Variants in NTSR1 observed in about 807,000 individuals in gnomAD.
The protein encoded by NTSR1 is neurotensin receptor 1, also known as neurotensin receptor type 1.
NTSR1 carries 29 observed loss-of-function variants against 31.2 expected under a neutral mutation model. That is an observed-to-expected ratio of 0.93 (90% confidence interval 0.69 to 1.27). The LOEUF (loss-of-function observed/expected upper bound fraction) is 1.27. Ranked by LOEUF, NTSR1 falls within the 50% of genes most tolerant of loss-of-function variation. NTSR1 has a pLI of 0.00. For missense variants in NTSR1, 697 were observed against 595.4 expected, an observed-to-expected ratio of 1.17 and a Z score of -1.78; for synonymous variants, 282 against 269.9, an observed-to-expected ratio of 1.04 and a Z score of -0.44.
chr20:62,750,444 A>T, intron 1 of NTSR1, among the ~76,000 whole-genome samples: 1 of 152,138 alleles, frequency 6.6e-6, no homozygotes, highest in East Asian at 1.9e-4. Context: ...TAATCCCAGC[A>T]CTTTGGGAGG....
chr20:62,726,300 C>T (rs140245386), intron 1 of NTSR1, among the ~76,000 whole-genome samples: 3 of 152,338 alleles, frequency 2.0e-5, no homozygotes, highest in East Asian at 1.9e-4. Context: ...CTCCAAGAGC[C>T]GGCAGATCGG....
At chr20:62,710,664 G>T (rs1988591073) in intron 1 of NTSR1, among the ~76,000 whole-genome samples, 1 of 152,202 alleles carries the variant, frequency 6.6e-6, no homozygotes, top group Non-Finnish European at 1.5e-5. Context: ...TCTGAGCAAA[G>T]CGCCGTGGGA....
At chr20:62,724,432 A>G (rs372617894) in intron 1 of NTSR1, among the ~76,000 whole-genome samples, 2,356 of 28,812 alleles carry the variant, frequency 0.082, 65 homozygotes, top group African/African-American at 0.14. Context: ...GGGCACTCAG[A>G]CAAGGTGCAG....
Position 62,708,920 on chromosome 20 carries a change from C to T in NTSR1, c.-288C>T. 5.4e-6 allele frequency: 2 copies of T among 371,910 alleles called. No individual in the cohort carries two copies. The highest frequency in any genetic ancestry group is 9.5e-6 in the Non-Finnish European group (2 of 209,802). 23.0% of individuals were successfully genotyped at this position (371,910 alleles called of 1,614,324 possible). A position where few individuals can be genotyped will look rare whatever the true frequency, so the allele number is the denominator to read the frequency against. On this transcript the variant is annotated 5_prime_UTR_variant, in exon 1 of 4. Transcript: ENST00000370501. This position sits in a 1 kb window ranked among gnomAD's most constrained non-coding sequence, Gnocchi z 5.9. Reference sequence around the variant, plus strand: ...CCGCGCGGTTTGGAGATCGGAGGCACCTGGAACCCGTGGCAAGCGCCGAGC... The same window carrying T: ...CCGCGCGGTTTGGAGATCGGAGGCATCTGGAACCCGTGGCAAGCGCCGAGC...
chr20:62,712,078 G>A (rs971907693), intron 1 of NTSR1, among the ~76,000 whole-genome samples: 3 of 152,232 alleles, frequency 2.0e-5, no homozygotes, highest in Admixed American at 6.5e-5. Context: ...ATGACCTGGG[G>A]CTTTCCAGGG....
At position 62,709,302 on chromosome 20, in the gene NTSR1, C is replaced by T. The variant is rs773616766; in HGVS notation, c.95C>T (p.Ala32Val). The T allele has an allele frequency of 2.5e-6, 4 of 1,600,068 alleles. No individual in the cohort carries two copies. Among genetic ancestry groups the T allele is most frequent in the Admixed American group, 1.7e-5 (1 of 59,270 alleles). The stretch of plus-strand genomic sequence containing the variant: ...GCCGGACTGGAGGAGGCGCTGCTGG[C>T]CCCGGGCTTCGGCAACGCTTCGGGC... The part of the protein sequence containing the change: ...AQAGLEEALL[A>V]PGFGNASGNA... Residue 32 changes from alanine (A) to valine (V), a missense_variant, in exon 1 of 4, where the codon GCC becomes GTC. By Grantham distance (64) the Ala-to-Val change is moderately conservative. Coordinates refer to ENST00000370501, the MANE Select transcript of NTSR1 (RefSeq NM_002531.3).
rs1248861060 is a variant in NTSR1 at position 62,762,585 on chromosome 20, G to A, written c.*2318G>A. The A allele has an allele frequency of 6.6e-6, 1 of 152,142 alleles. No individual in the cohort carries two copies. The highest frequency in any genetic ancestry group is 1.5e-5 in the Non-Finnish European group (1 of 68,028). 9.4% of individuals were successfully genotyped at this position (152,142 alleles called of 1,614,324 possible). A position where few individuals can be genotyped will look rare whatever the true frequency, so the allele number is the denominator to read the frequency against. ...CTAGCTTGCGGCCAGGTCATGATGT[G>A]GCCCCGGAAGCTGGCCCTGCGTGCC... On this transcript the variant is annotated 3_prime_UTR_variant, in exon 4 of 4. Coordinates refer to ENST00000370501, the MANE Select transcript of NTSR1 (RefSeq NM_002531.3).
At chr20:62,737,083 G>A (rs1340673455) in intron 1 of NTSR1, among the ~76,000 whole-genome samples, 2 of 152,196 alleles carry the variant, frequency 1.3e-5, no homozygotes, top group African/African-American at 2.4e-5. Context: ...ACACAGTCTC[G>A]GCAGTTCTTT....
At chr20:62,726,780 TC>T (rs1436119780) in intron 1 of NTSR1, among the ~76,000 whole-genome samples, 1 of 151,694 alleles carries the variant, frequency 6.6e-6, no homozygotes, top group African/African-American at 2.4e-5. Flanking sequence ...AGGTCCATGC[TC>T]CCCGAGGCAC....
Position 62,728,727 on chromosome 20 carries a change from G to T in NTSR1, c.714+18806G>T, listed in dbSNP as rs141379370. Among the ~76,000 whole-genome samples, 709 of 152,208 alleles carry T rather than the reference G, an allele frequency of 4.7e-3. 1 individual carries two copies. Among genetic ancestry groups the T allele is most frequent in the South Asian group, 0.01 (49 of 4,814 alleles). ...GCGAAGGGCAGGCCAACACCCGGAGGCCAAGCAGGTTTCACGGCAGCCACT... is the reference window on the plus strand; with the variant it reads ...GCGAAGGGCAGGCCAACACCCGGAGTCCAAGCAGGTTTCACGGCAGCCACT... On this transcript the variant is annotated intron_variant, in intron 1 of 3. Transcript: ENST00000370501.
intron 3 of NTSR1, among the ~76,000 whole-genome samples, chr20:62,759,642 G>C (rs1989575918): frequency 1.3e-5 from 2 of 152,242 alleles, no homozygotes; most frequent in African/African-American, 2.4e-5. Flanking sequence ...GGCGTGGTGG[G>C]GGGGTCCCTG....
chr20:62,740,873 C>T (rs958206831), intron 1 of NTSR1, among the ~76,000 whole-genome samples: 1 of 152,220 alleles, frequency 6.6e-6, no homozygotes, highest in East Asian at 1.9e-4. Flanking sequence ...ACCTGCAGCC[C>T]GCAGCCTCAA....
intron 1 of NTSR1, among the ~76,000 whole-genome samples, chr20:62,737,866 C>T (rs1184790429): frequency 6.7e-6 from 1 of 150,082 alleles, no homozygotes; most frequent in African/African-American, 2.5e-5. Flanking sequence ...TCCTCCCCAC[C>T]CCCCACACCC....
rs1262257243 is a variant in NTSR1, at chr20:62,709,379, A to G, written c.172A>G (p.Thr58Ala). The stretch of plus-strand genomic sequence containing the variant: ...ACCCAGCAGCGAGCTGGACGTGAAC[A>G]CCGACATCTACTCCAAGGTGCTGGT... Reference protein sequence around the residue: ...AAPSSELDVNTDIYSKVLVTA... With the variant: ...AAPSSELDVNADIYSKVLVTA... Residue 58 changes from threonine (T) to alanine (A), a missense_variant, in exon 1 of 4, where the codon ACC (threonine) becomes GCC (alanine). Coordinates refer to ENST00000370501, the MANE Select transcript of NTSR1 (RefSeq NM_002531.3). The G allele has an allele frequency of 2.5e-6, 4 of 1,608,902 alleles. No individual in the cohort carries two copies. The highest frequency in any genetic ancestry group is 2.2e-5 in the East Asian group (1 of 44,734).
In NTSR1 at chr20:62,732,967, AGG is replaced by A. The variant is rs1989024840; in HGVS notation, c.715-21714_715-21713del. 1 of 151,102 alleles carries A rather than the reference AGG, an allele frequency of 6.6e-6. No individual in the cohort carries two copies. The highest frequency in any genetic ancestry group is 2.4e-5 in the African/African-American group (1 of 41,032). The allele number at this position is 151,102 out of a possible 1,614,324, so 9.4% of individuals were successfully genotyped here. A position where few individuals can be genotyped will look rare whatever the true frequency, so the allele number is the denominator to read the frequency against. On this transcript the variant is annotated intron_variant, in intron 1 of 3. Coordinates refer to ENST00000370501, the MANE Select transcript of NTSR1 (RefSeq NM_002531.3). This position sits in a 1 kb window ranked among gnomAD's most constrained non-coding sequence, Gnocchi z 4.0. ...AACCAACGGCGCTGACGTCGCCTAA[AGG>A]GGGTTCCCAGCTGGCAGCCTCCAGG...
chr20:62,756,184 A>G (rs957648931), intron 2 of NTSR1, among the ~76,000 whole-genome samples: 26 of 152,018 alleles, frequency 1.7e-4, no homozygotes, highest in African/African-American at 6.0e-4. Context: ...TGAAGAAAAA[A>G]ATACCACCAC....
chr20:62,710,356 C>T (rs1988583250), intron 1 of NTSR1, among the ~76,000 whole-genome samples: 1 of 152,328 alleles, frequency 6.6e-6, no homozygotes. Context: ...CTGACCCAAA[C>T]TTGGGAGTCA....
At position 62,741,918 on chromosome 20, in the gene NTSR1, C is replaced by G. The variant is rs887787887; in HGVS notation, c.715-12767C>G. On this transcript the variant is annotated intron_variant, in intron 1 of 3. Coordinates refer to ENST00000370501, the MANE Select transcript of NTSR1 (RefSeq NM_002531.3). This position sits in a 1 kb window ranked among gnomAD's most constrained non-coding sequence, Gnocchi z 4.3. ...CAGGCCCCTGGGTTCACAACTGTGC[C>G]TGGGTTTCTTTATCTACAAAAGGAG... Among the ~76,000 whole-genome samples, 22 of 145,758 alleles carry G rather than the reference C, an allele frequency of 1.5e-4. 2 individuals are homozygous for G. The highest frequency in any genetic ancestry group is 5.8e-4 in the African/African-American group (21 of 36,520).
At chr20:62,725,692 A>G (rs547520006) in intron 1 of NTSR1, among the ~76,000 whole-genome samples, 1 of 152,314 alleles carries the variant, frequency 6.6e-6, no homozygotes, top group African/African-American at 2.4e-5. Context: ...AGGGAGGTTC[A>G]GGTGGGCACA....
Sources: allele counts gnomAD v4.1 joint callset (sites outside exome capture counted in the v4.1 genomes callset), GRCh38; gene constraint gnomAD v4.1.1; non-coding constraint Gnocchi (gnomAD v3.1); transcripts MANE v1.5; gene names NCBI Gene and HGNC (gene_info 2026-07-23, HGNC 2026-07-21).